Variants in SPMAP2L observed in about 807,000 individuals in gnomAD.
The protein encoded by SPMAP2L is sperm microtubule associated protein 2 like.
the SPMAP2L span, among the ~76,000 whole-genome samples, chr4:56,532,543 G>A: frequency 6.6e-6 from 1 of 151,806 alleles, no homozygotes. Flanking sequence ...AATAACTCTT[G>A]ACCCCATGTC....
the SPMAP2L span, among the ~76,000 whole-genome samples, chr4:56,590,241 T>C: frequency 6.6e-6 from 1 of 152,242 alleles, no homozygotes; most frequent in East Asian, 1.9e-4. Context: ...TAGATGCTTT[T>C]TCTGCATCTA....
the SPMAP2L span, chr4:56,593,395 T>G: frequency 1.5e-6 from 2 of 1,335,372 alleles, no homozygotes; most frequent in Non-Finnish European, 2.2e-6. Flanking sequence ...TGAGCTGAAG[T>G]TACCCTGTGA....
chr4:56,569,325 A>G, the SPMAP2L span, among the ~76,000 whole-genome samples: 1 of 152,164 alleles, frequency 6.6e-6, no homozygotes, highest in African/African-American at 2.4e-5. Context: ...TGTTATTATC[A>G]TTTTGATAAA....
chr4:56,535,062 C>T, the SPMAP2L span, among the ~76,000 whole-genome samples: 3 of 152,302 alleles, frequency 2.0e-5, no homozygotes, highest in African/African-American at 7.2e-5. Flanking sequence ...ATTTATTTAT[C>T]CAGGTGCCTA....
the SPMAP2L span, among the ~76,000 whole-genome samples, chr4:56,562,283 A>G: frequency 3.3e-5 from 5 of 152,122 alleles, no homozygotes; most frequent in Non-Finnish European, 7.3e-5. Context: ...TCCTAAAAGT[A>G]TCCTAAATTT....
At chr4:56,569,588 T>A in the SPMAP2L span, among the ~76,000 whole-genome samples, 1 of 152,096 alleles carries the variant, frequency 6.6e-6, no homozygotes, top group Non-Finnish European at 1.5e-5. Flanking sequence ...GGTGGGTGGA[T>A]CACTCGAGGT....
chr4:56,573,661 G>A, the SPMAP2L span, among the ~76,000 whole-genome samples: 2 of 152,102 alleles, frequency 1.3e-5, no homozygotes, highest in South Asian at 2.1e-4. Flanking sequence ...TCCTTCAAAA[G>A]GCCAATCCCA....
the SPMAP2L span, among the ~76,000 whole-genome samples, chr4:56,555,930 G>T: frequency 6.6e-6 from 1 of 152,202 alleles, no homozygotes; most frequent in South Asian, 2.1e-4. Flanking sequence ...TTGAGTAGAG[G>T]TATACACTGA....
At chr4:56,624,376 A>AT in the SPMAP2L span, among the ~76,000 whole-genome samples, 1 of 152,220 alleles carries the variant, frequency 6.6e-6, no homozygotes, top group Non-Finnish European at 1.5e-5. Context: ...AGAAAAGCCC[A>AT]TTTTTTGAGG....
chr4:56,567,236 AT>A, the SPMAP2L span, among the ~76,000 whole-genome samples: 2 of 148,046 alleles, frequency 1.4e-5, no homozygotes, highest in African/African-American at 5.0e-5. Flanking sequence ...TTCATTTTGT[AT>A]TTTTCTTCTT....
the SPMAP2L span, chr4:56,594,168 A>T: frequency 6.2e-7 from 1 of 1,612,748 alleles, no homozygotes; most frequent in South Asian, 1.1e-5. Context: ...ATGGGAGAGG[A>T]GTGCAGAGGT....
At chr4:56,537,651 C>A in the SPMAP2L span, among the ~76,000 whole-genome samples, 13 of 151,932 alleles carry the variant, frequency 8.6e-5, no homozygotes, top group Admixed American at 8.5e-4. Context: ...ACACTCACTC[C>A]AGTTGTCCAG....
At chr4:56,540,973 A>G in the SPMAP2L span, among the ~76,000 whole-genome samples, 1 of 152,352 alleles carries the variant, frequency 6.6e-6, no homozygotes, top group African/African-American at 2.4e-5. Flanking sequence ...TGGAGCATAC[A>G]TTTAGTAGAA....
At chr4:56,596,317 C>A in the SPMAP2L span, among the ~76,000 whole-genome samples, 1 of 152,136 alleles carries the variant, frequency 6.6e-6, no homozygotes, top group African/African-American at 2.4e-5. Flanking sequence ...TCCATGTAAT[C>A]TTGTTTGAGA....
chr4:56,566,032 C>T, the SPMAP2L span, among the ~76,000 whole-genome samples: 1 of 152,000 alleles, frequency 6.6e-6, no homozygotes. Context: ...TGGTTTTTAT[C>T]CAATCTGATA....
the SPMAP2L span, among the ~76,000 whole-genome samples, chr4:56,579,323 A>G: frequency 6.6e-6 from 1 of 152,220 alleles, no homozygotes; most frequent in Non-Finnish European, 1.5e-5. Flanking sequence ...GAAATTTAAA[A>G]ATATGTTAAA....
At chr4:56,559,090 C>T in the SPMAP2L span, among the ~76,000 whole-genome samples, 2 of 151,956 alleles carry the variant, frequency 1.3e-5, no homozygotes, top group South Asian at 2.1e-4. Context: ...TGTGCCACCA[C>T]GCCTGGCTAA....
chr4:56,574,544 A>G, the SPMAP2L span, among the ~76,000 whole-genome samples: 243 of 152,364 alleles, frequency 1.6e-3, 2 homozygotes, highest in African/African-American at 5.7e-3. Context: ...TCCTAAACTC[A>G]GTTATCTAGC....
At chr4:56,559,322 A>G in the SPMAP2L span, 13 of 1,102,914 alleles carry the variant, frequency 1.2e-5, no homozygotes, top group East Asian at 8.0e-5. Context: ...AAAAAAAAAA[A>G]GAGTCATTTT....
Sources: gnomAD v4.1 joint callset for allele counts (sites outside exome capture counted in the v4.1 genomes callset) on GRCh38, gnomAD v4.1.1 for gene constraint, MANE v1.5 for transcripts, NCBI Gene and HGNC (gene_info 2026-07-23, HGNC 2026-07-21) for gene names.